KIZ: variants seen among roughly 807,000 people sequenced by gnomAD.
KIZ encodes the protein centrosomal protein kizuna.
Under a neutral mutation model 79.6 loss-of-function variants are expected in KIZ, and 68 were observed. The observed-to-expected ratio is 0.85, with a 90% confidence interval of 0.70 to 1.05. The LOEUF (loss-of-function observed/expected upper bound fraction) is 1.05. Among genes scored for constraint, KIZ ranks in the 50% least tolerant of loss-of-function variants. The pLI is 0.00. For missense variants in KIZ, 797 were observed against 800.4 expected (o/e 1.00, Z 0.05); for synonymous variants, 280 against 281.8 (o/e 0.99, Z 0.06).
intron 6 of KIZ, among the ~76,000 whole-genome samples, chr20:21,188,676 T>TTTTATTTA (rs149324316): frequency 0.099 from 14,050 of 141,764 alleles, 790 homozygotes; most frequent in African/African-American, 0.15. Context: ...TTGCATTTTA[T>TTTTATTTA]TTTATTTATT....
chr20:21,198,352 G>C (rs75862795), intron 6 of KIZ: 1 of 152,444 alleles, frequency 6.6e-6, no homozygotes, highest in Admixed American at 6.5e-5. Flanking sequence ...ATGAGCCAGC[G>C]TGCCAGGCCG....
At chr20:21,150,252 G>A (rs2033051725) in intron 4 of KIZ, among the ~76,000 whole-genome samples, 1 of 152,232 alleles carries the variant, frequency 6.6e-6, no homozygotes, top group Non-Finnish European at 1.5e-5. Context: ...CTGGAATGAT[G>A]AGGGCCCAGG....
At chr20:21,245,695 C>T (rs1478352850) in intron 12 of KIZ, 1 of 152,326 alleles carries the variant, frequency 6.6e-6, no homozygotes, top group Non-Finnish European at 1.5e-5. Context: ...AGCTGTGTCT[C>T]TCTGCCTGAG....
intron 6 of KIZ, among the ~76,000 whole-genome samples, chr20:21,184,146 CTTTT>C (rs545005735): frequency 7.3e-6 from 1 of 137,690 alleles, no homozygotes. Context: ...TCCCTGACAT[CTTTT>C]TTTTTTTTTT....
At chr20:21,135,168 G>A (rs1023253085) in intron 2 of KIZ, among the ~76,000 whole-genome samples, 68 of 152,144 alleles carry the variant, frequency 4.5e-4, no homozygotes, top group African/African-American at 1.6e-3. Context: ...ATGGATAATT[G>A]CATGGGTAGA....
At chr20:21,126,616 A>G (rs2031491970) in intron 1 of KIZ, among the ~76,000 whole-genome samples, 1 of 152,120 alleles carries the variant, frequency 6.6e-6, no homozygotes, top group African/African-American at 2.4e-5. Context: ...GCTGCACTGC[A>G]TCAATGATGA....
intron 9 of KIZ, among the ~76,000 whole-genome samples, chr20:21,219,967 A>C (rs2036448183): frequency 6.6e-6 from 1 of 152,086 alleles, no homozygotes. Context: ...AGCCTGTATG[A>C]TCTGTTGTTG....
chr20:21,154,552 GAT>G (rs1287403297), intron 4 of KIZ, among the ~76,000 whole-genome samples: 8 of 152,198 alleles, frequency 5.3e-5, no homozygotes, highest in Middle Eastern at 3.2e-3. Flanking sequence ...TAAAATCTTG[GAT>G]TATAGATTTA....
chr20:21,239,674 T>C (rs980055714), intron 11 of KIZ, among the ~76,000 whole-genome samples: 1 of 152,224 alleles, frequency 6.6e-6, no homozygotes, highest in Non-Finnish European at 1.5e-5. Context: ...CGTTAGCCTT[T>C]TGTTCATATA....
At chr20:21,144,072 A>G (rs1001335782) in intron 3 of KIZ, 7 of 152,112 alleles carry the variant, frequency 4.6e-5, no homozygotes, top group Non-Finnish European at 1.0e-4. Flanking sequence ...TTGGGCTTTT[A>G]AAGATACTTC....
intron 9 of KIZ, among the ~76,000 whole-genome samples, chr20:21,217,302 T>C (rs1439154778): frequency 6.6e-6 from 1 of 152,238 alleles, no homozygotes; most frequent in Admixed American, 6.5e-5. Flanking sequence ...TTGTCCATCA[T>C]TGCAGCTACT....
chr20:21,244,168 C>A, intron 11 of KIZ, 77 bp from the exon 12 acceptor site: 1 of 1,010,402 alleles, frequency 9.9e-7, no homozygotes, highest in Non-Finnish European at 1.6e-6. Context: ...TGCTTCTTCT[C>A]TAATGCGTTC....
chr20:21,220,896 T>C (rs2036481832), intron 9 of KIZ, among the ~76,000 whole-genome samples: 1 of 152,218 alleles, frequency 6.6e-6, no homozygotes, highest in Admixed American at 6.5e-5. Flanking sequence ...CTGAGAGCAA[T>C]GATAAACAAA....
intron 4 of KIZ, among the ~76,000 whole-genome samples, chr20:21,148,365 G>A (rs1214526416): frequency 6.6e-6 from 1 of 152,186 alleles, no homozygotes; most frequent in Non-Finnish European, 1.5e-5. Flanking sequence ...CAGTTTTGGT[G>A]TAGGACATCT....
At chr20:21,242,760 T>A (rs2037261374) in intron 11 of KIZ, among the ~76,000 whole-genome samples, 8 of 152,068 alleles carry the variant, frequency 5.3e-5, no homozygotes, top group Admixed American at 5.2e-4. Flanking sequence ...CACACCTTGT[T>A]CCCCAGTCCT....
At chr20:21,191,200 CAT>C (rs1345928412) in intron 6 of KIZ, among the ~76,000 whole-genome samples, 1 of 152,202 alleles carries the variant, frequency 6.6e-6, no homozygotes, top group Non-Finnish European at 1.5e-5. Context: ...CCATCTCATG[CAT>C]AGTGTTAGCC....
chr20:21,164,191 T>C (rs933601067), intron 6 of KIZ, among the ~76,000 whole-genome samples: 6 of 152,248 alleles, frequency 3.9e-5, no homozygotes, highest in Admixed American at 3.9e-4. Flanking sequence ...GCATATGTTC[T>C]CTTTAGAACA....
chr20:21,136,313 T>G (rs1190705381), intron 2 of KIZ, 77 bp from the exon 3 acceptor site: 1 of 875,118 alleles, frequency 1.1e-6, no homozygotes, highest in Admixed American at 3.1e-5. Flanking sequence ...TCATTAACAA[T>G]TTTGATGAAG....
At chr20:21,126,862 G>T (rs1430507355) in intron 1 of KIZ, among the ~76,000 whole-genome samples, 1 of 152,136 alleles carries the variant, frequency 6.6e-6, no homozygotes, top group Non-Finnish European at 1.5e-5. Context: ...AAATTATACC[G>T]CAATGTACTA....
Sources: gnomAD v4.1 joint callset for allele counts (sites outside exome capture counted in the v4.1 genomes callset) on GRCh38, gnomAD v4.1.1 for gene constraint, MANE v1.5 for transcripts, NCBI Gene and HGNC (gene_info 2026-07-23, HGNC 2026-07-21) for gene names.